Variants in TLN2 observed in about 807,000 individuals in gnomAD.
The protein encoded by TLN2 is talin 2.
Under a neutral mutation model 294.7 loss-of-function variants are expected in TLN2, and 118 were observed. The ratio of observed to expected loss-of-function variants is 0.40; its 90% CI spans 0.34 to 0.47. The LOEUF (loss-of-function observed/expected upper bound fraction) is 0.47, where lower values mean the gene tolerates loss of function less well. Among genes scored for constraint, TLN2 ranks in the 20% least tolerant of loss-of-function variants. TLN2 has a pLI of 0.84. For synonymous variants in TLN2, 1,431 were observed against 1,304.5 expected (o/e 1.10, Z -2.09); for missense variants, 3,083 against 3,282.2 (o/e 0.94, Z 1.48).
chr15:62,625,947 G>T (rs1175861308), intron 3 of TLN2, among the ~76,000 whole-genome samples: 2 of 152,144 alleles, frequency 1.3e-5, no homozygotes, highest in Non-Finnish European at 2.9e-5. Flanking sequence ...TGTAGGTGGG[G>T]TAGGGCCTGA....
intron 11 of TLN2, among the ~76,000 whole-genome samples, chr15:62,681,033 A>G (rs1437964094): frequency 3.3e-5 from 5 of 152,220 alleles, no homozygotes; most frequent in South Asian, 4.1e-4. Flanking sequence ...TTGTGCTGCT[A>G]TAAAGGTACG....
chr15:62,792,001 C>A (rs2065107643), intron 45 of TLN2, among the ~76,000 whole-genome samples: 1 of 152,124 alleles, frequency 6.6e-6, no homozygotes, highest in Non-Finnish European at 1.5e-5. Context: ...GCCTGCTGAG[C>A]TTTTAGCTCT....
intron 1 of TLN2, among the ~76,000 whole-genome samples, chr15:62,526,033 T>C (rs1299445358): frequency 1.3e-5 from 2 of 152,178 alleles, no homozygotes; most frequent in Non-Finnish European, 2.9e-5. Context: ...TAGGCAATGA[T>C]GTGGTTGGTC....
chr15:62,770,903 C>T, intron 41 of TLN2, 61 bp from the exon 42 acceptor site: 2 of 1,551,442 alleles, frequency 1.3e-6, no homozygotes, highest in Non-Finnish European at 1.7e-6. Flanking sequence ...CTGTGGAGCC[C>T]CTGAAGGAGA....
At chr15:62,770,938 C>G in intron 41 of TLN2, 26 bp from the exon 42 acceptor site, 2 of 1,516,166 alleles carry the variant, frequency 1.3e-6, no homozygotes, top group Non-Finnish European at 1.8e-6. Flanking sequence ...TGATACATCT[C>G]TGGCTTTTTT....
intron 14 of TLN2, 47 bp from the exon 15 acceptor site, chr15:62,697,641 C>G (rs772214435): frequency 5.1e-6 from 8 of 1,562,036 alleles, no homozygotes; most frequent in African/African-American, 1.4e-5. Context: ...TCATTGCACT[C>G]CACATGGCTG....
intron 1 of TLN2, among the ~76,000 whole-genome samples, chr15:62,449,170 C>G (rs1272588071): frequency 6.6e-6 from 1 of 152,150 alleles, no homozygotes; most frequent in Non-Finnish European, 1.5e-5. Flanking sequence ...TCAACAGAAG[C>G]CCTGGCGATG....
At chr15:62,796,364 C>T (rs369047004) in intron 47 of TLN2, 71 bp downstream of exon 47, 298 of 1,510,730 alleles carry the variant, frequency 2.0e-4, no homozygotes, top group African/African-American at 1.1e-3. Context: ...GACTTGGAGA[C>T]GCCACCTGGG....
chr15:62,723,578 C>T (rs1377466003), intron 26 of TLN2, among the ~76,000 whole-genome samples: 2 of 146,384 alleles, frequency 1.4e-5, no homozygotes, highest in Non-Finnish European at 3.0e-5. Flanking sequence ...GGGTCTTGCC[C>T]TGTTGCACAG....
chr15:62,598,715 C>T (rs954849418), intron 2 of TLN2, among the ~76,000 whole-genome samples: 5 of 151,270 alleles, frequency 3.3e-5, no homozygotes, highest in African/African-American at 1.2e-4. Flanking sequence ...CAACTTTTCT[C>T]TCCATTCCTG....
intron 9 of TLN2, 77 bp downstream of exon 9, chr15:62,657,975 G>T (rs779407324): frequency 1.4e-6 from 2 of 1,409,864 alleles, no homozygotes; most frequent in East Asian, 4.6e-5. Flanking sequence ...TTTGAGCTAG[G>T]TGTCTAAGAT....
chr15:62,503,150 T>C (rs1309586822), intron 1 of TLN2, among the ~76,000 whole-genome samples: 1 of 152,240 alleles, frequency 6.6e-6, no homozygotes, highest in Non-Finnish European at 1.5e-5. Flanking sequence ...TTAAAATATA[T>C]GTACATCTAT....
intron 3 of TLN2, among the ~76,000 whole-genome samples, chr15:62,621,742 T>C (rs542203277): frequency 6.6e-6 from 1 of 152,350 alleles, no homozygotes; most frequent in South Asian, 2.1e-4. Context: ...AGCTCCCTTA[T>C]GGCGGGATTG....
At chr15:62,434,246 T>G (rs1407927621) in intron 1 of TLN2, among the ~76,000 whole-genome samples, 1 of 152,234 alleles carries the variant, frequency 6.6e-6, no homozygotes, top group Non-Finnish European at 1.5e-5. Context: ...CTTTATGTTC[T>G]GACTCCCTTC....
At chr15:62,593,321 G>A in intron 2 of TLN2, among the ~76,000 whole-genome samples, 1 of 152,164 alleles carries the variant, frequency 6.6e-6, no homozygotes, top group East Asian at 1.9e-4. Flanking sequence ...GTTCTTCTTA[G>A]CACTGTCAAT....
chr15:62,534,671 G>C (rs2041237289), intron 1 of TLN2, among the ~76,000 whole-genome samples: 1 of 152,094 alleles, frequency 6.6e-6, no homozygotes, highest in South Asian at 2.1e-4. Flanking sequence ...CTGAGGTTGG[G>C]AGTGGGCCTG....
chr15:62,698,997 A>AT, intron 16 of TLN2, 130 bp downstream of exon 16: 1 of 886,688 alleles, frequency 1.1e-6, no homozygotes, highest in Non-Finnish European at 1.7e-6. Flanking sequence ...TTTTTTCAGG[A>AT]TATTGAGTCT....
At chr15:62,706,324 T>A (rs1245490363) in intron 19 of TLN2, among the ~76,000 whole-genome samples, 2 of 152,276 alleles carry the variant, frequency 1.3e-5, no homozygotes, top group Admixed American at 6.5e-5. Context: ...ATCAAAGGAT[T>A]CTTCTTTCTG....
intron 50 of TLN2, among the ~76,000 whole-genome samples, chr15:62,805,181 G>T (rs8042119): frequency 0.87 from 131,761 of 152,028 alleles, 57,534 homozygotes; most frequent in Non-Finnish European, 0.92. Context: ...CCTGAGTGAT[G>T]GGGCCAGGTC....
Sources: allele counts gnomAD v4.1 joint callset (sites outside exome capture counted in the v4.1 genomes callset), GRCh38; gene constraint gnomAD v4.1.1; transcripts MANE v1.5; gene names NCBI Gene and HGNC (gene_info 2026-07-23, HGNC 2026-07-21).